NOS1AP: variants seen among roughly 807,000 people sequenced by gnomAD.
NOS1AP encodes the protein carboxyl-terminal PDZ ligand of neuronal nitric oxide synthase protein.
A neutral mutation model predicts 56.2 loss-of-function variants in NOS1AP; 21 were observed. That is an observed-to-expected ratio of 0.37 (90% CI 0.26 to 0.54). The LOEUF (loss-of-function observed/expected upper bound fraction) is 0.54. Among genes scored for constraint, NOS1AP ranks in the 20% least tolerant of loss-of-function variants. NOS1AP has a pLI of 0.84. For missense variants in NOS1AP, 522 were observed against 657.8 expected (o/e 0.79, Z 2.26); for synonymous variants, 270 against 274.6 (o/e 0.98, Z 0.17).
At chr1:162,166,315 C>T (rs930863559) in intron 2 of NOS1AP, among the ~76,000 whole-genome samples, 1 of 152,222 alleles carries the variant, frequency 6.6e-6, no homozygotes, top group African/African-American at 2.4e-5. Context: ...TGAGTCTGAA[C>T]TCAGAGCAAG....
chr1:162,071,995 G>C (rs1338416965), intron 1 of NOS1AP, among the ~76,000 whole-genome samples: 2 of 152,040 alleles, frequency 1.3e-5, no homozygotes, highest in East Asian at 1.9e-4. Context: ...AGGAGTTAGA[G>C]ACTGCAGTGA....
At chr1:162,137,111 C>T (rs1376399034) in intron 1 of NOS1AP, among the ~76,000 whole-genome samples, 3 of 152,176 alleles carry the variant, frequency 2.0e-5, no homozygotes, top group East Asian at 1.9e-4. Flanking sequence ...AGTTGATCTT[C>T]GTTTGCTTCT....
At chr1:162,204,263 G>A (rs4657168) in intron 2 of NOS1AP, among the ~76,000 whole-genome samples, 125,975 of 152,190 alleles carry the variant, frequency 0.83, 52,483 homozygotes, top group East Asian at 0.88. Flanking sequence ...CAGCAACACC[G>A]TGCTCTCACT....
chr1:162,185,128 T>C (rs954665518), intron 2 of NOS1AP, among the ~76,000 whole-genome samples: 1 of 152,214 alleles, frequency 6.6e-6, no homozygotes, highest in Non-Finnish European at 1.5e-5. Flanking sequence ...TCTCTGACCA[T>C]TCTTCCATAG....
chr1:162,090,058 C>A (rs1000511184), intron 1 of NOS1AP, among the ~76,000 whole-genome samples: 2 of 152,102 alleles, frequency 1.3e-5, no homozygotes, highest in Non-Finnish European at 1.5e-5. Flanking sequence ...ATACTTACTA[C>A]CAAAACTTAC....
intron 4 of NOS1AP, among the ~76,000 whole-genome samples, chr1:162,323,161 T>C (rs1425349315): frequency 6.6e-6 from 1 of 151,952 alleles, no homozygotes. Flanking sequence ...AAGAGGGAAA[T>C]TTGGACACAG....
Position 162,290,452 on chromosome 1 carries a change from TTC to T in NOS1AP, c.270+3024_270+3025del, listed in dbSNP as rs1360977783. 1.3e-5 allele frequency among the ~76,000 whole-genome samples: 2 copies of T among 152,214 alleles called. 1 individual carries two copies. Among genetic ancestry groups the T allele is most frequent in the African/African-American group, 4.8e-5 (2 of 41,452 alleles). ...CACCACACTCAGACACATGCACACT[TTC>T]TCTCTCTGCTTATAGAATTGAGAGA... is the stretch of plus-strand genomic sequence containing the variant. On this transcript the variant is annotated intron_variant, in intron 3 of 9. Transcript: ENST00000361897.
intron 6 of NOS1AP, among the ~76,000 whole-genome samples, chr1:162,345,931 A>G (rs546561366): frequency 6.6e-6 from 1 of 152,224 alleles, no homozygotes; most frequent in Non-Finnish European, 1.5e-5. Context: ...GAATAGAAAA[A>G]ATCCTGGAAA....
At chr1:162,096,902 C>T (rs1410645169) in intron 1 of NOS1AP, among the ~76,000 whole-genome samples, 2 of 152,150 alleles carry the variant, frequency 1.3e-5, no homozygotes, top group African/African-American at 4.8e-5. Context: ...TTGTATAAAT[C>T]TCCAAGTCTC....
chr1:162,187,904 C>T (rs1651494163), intron 2 of NOS1AP, among the ~76,000 whole-genome samples: 1 of 152,140 alleles, frequency 6.6e-6, no homozygotes, highest in Admixed American at 6.5e-5. Flanking sequence ...CTTGATTCAG[C>T]TACATTCATG....
chr1:162,109,562 G>A lies in NOS1AP; in HGVS notation c.105+39280G>A, dbSNP rs572188946. 5.3e-5 allele frequency among the ~76,000 whole-genome samples: 8 copies of A among 152,168 alleles called. No homozygotes were observed. In the South Asian group the frequency reaches 8.3e-4, roughly 16 times the overall value. On this transcript the variant is annotated intron_variant, in intron 1 of 9. Transcript: ENST00000361897. The stretch of plus-strand genomic sequence containing the variant: ...GGTGGTGACTGAAACTGAGTAATGC[G>A]TTTATTCATTGTACTATTCTTTCTA...
intron 7 of NOS1AP, 124 bp from the exon 8 acceptor site, chr1:162,356,836 G>C: frequency 6.3e-7 from 1 of 1,595,428 alleles, no homozygotes; most frequent in Non-Finnish European, 8.5e-7. Context: ...TGAAGATATA[G>C]TGCTGTCAGC....
chr1:162,199,451 CTG>C (rs1210652030), intron 2 of NOS1AP, among the ~76,000 whole-genome samples: 1 of 152,212 alleles, frequency 6.6e-6, no homozygotes, highest in Non-Finnish European at 1.5e-5. Context: ...GTCCTCTCCA[CTG>C]TGTTTCTAAA....
chr1:162,095,500 G>A (rs1220299483), intron 1 of NOS1AP, among the ~76,000 whole-genome samples: 1 of 152,190 alleles, frequency 6.6e-6, no homozygotes, highest in Non-Finnish European at 1.5e-5. Flanking sequence ...TAAGGCACTG[G>A]GTGTGTGTAT....
At chr1:162,090,447 A>C (rs553309452) in intron 1 of NOS1AP, among the ~76,000 whole-genome samples, 1 of 151,694 alleles carries the variant, frequency 6.6e-6, no homozygotes, top group African/African-American at 2.4e-5. Context: ...GGTAAACAAT[A>C]TGTTCTTTCA....
chr1:162,117,792 G>C (rs1350831172), intron 1 of NOS1AP, among the ~76,000 whole-genome samples: 3 of 152,216 alleles, frequency 2.0e-5, no homozygotes, highest in Admixed American at 6.5e-5. Flanking sequence ...AGGAAGGCAC[G>C]GTACAGGAAA....
intron 1 of NOS1AP, among the ~76,000 whole-genome samples, chr1:162,150,623 T>C (rs560871673): frequency 6.6e-6 from 1 of 152,332 alleles, no homozygotes; most frequent in Non-Finnish European, 1.5e-5. Context: ...TTGCCAGCAT[T>C]TATTATTGCC....
chr1:162,245,039 A>T (rs1475524817), intron 2 of NOS1AP, among the ~76,000 whole-genome samples: 1 of 152,166 alleles, frequency 6.6e-6, no homozygotes, highest in African/African-American at 2.4e-5. Flanking sequence ...GTGTGCTACC[A>T]TGTAGAGGAG....
At chr1:162,310,090 A>G (rs904621854) in intron 4 of NOS1AP, among the ~76,000 whole-genome samples, 3 of 152,150 alleles carry the variant, frequency 2.0e-5, no homozygotes, top group Non-Finnish European at 2.9e-5. Flanking sequence ...AGATGACTCT[A>G]TATCTTCCCT....
Sources: gnomAD v4.1 joint callset for allele counts (sites outside exome capture counted in the v4.1 genomes callset) on GRCh38, gnomAD v4.1.1 for gene constraint, MANE v1.5 for transcripts, NCBI Gene and HGNC (gene_info 2026-07-23, HGNC 2026-07-21) for gene names.